TDRD3: variants seen among roughly 807,000 people sequenced by gnomAD.
The protein encoded by TDRD3 is tudor domain containing 3, also known as tudor domain-containing protein 3.
A neutral mutation model predicts 86.7 loss-of-function variants in TDRD3; 45 were observed. The ratio of observed to expected loss-of-function variants is 0.52; its 90% CI spans 0.41 to 0.67. TDRD3 has a LOEUF of 0.67. Among genes scored for constraint, TDRD3 ranks in the 30% least tolerant of loss-of-function variants. The probability of loss-of-function intolerance (pLI) is 0.00; values close to 1 mark genes in which losing one functional copy is unlikely to be tolerated. For missense variants in TDRD3, 814 were observed against 889.0 expected, an observed-to-expected ratio of 0.92 and a Z score of 1.07; for synonymous variants, 298 against 301.7, an observed-to-expected ratio of 0.99 and a Z score of 0.13.
chr13:60,443,104 C>T (rs1955319260), intron 2 of TDRD3, among the ~76,000 whole-genome samples: 2 of 151,692 alleles, frequency 1.3e-5, no homozygotes, highest in African/African-American at 4.8e-5. Flanking sequence ...TATGTATGTT[C>T]AGATGATTAA....
intron 1 of TDRD3, among the ~76,000 whole-genome samples, chr13:60,426,616 G>C (rs1325593630): frequency 1.3e-5 from 2 of 152,110 alleles, no homozygotes; most frequent in Non-Finnish European, 2.9e-5. Context: ...TAGTTTTCTA[G>C]GAAAGTACAG....
chr13:60,484,670 GTTGATTTTTTTTTTTTACTGAGT>G (rs1433194841), intron 6 of TDRD3: 7 of 444,488 alleles, frequency 1.6e-5, no homozygotes, highest in Non-Finnish European at 3.1e-5. Context: ...AAAAAATAAT[GTTGATTTTTTTTTTTTACTGAGT>G]TTGGAAGAAG....
At chr13:60,570,356 A>G (rs889155876) in intron 13 of TDRD3, among the ~76,000 whole-genome samples, 3 of 152,220 alleles carry the variant, frequency 2.0e-5, no homozygotes, top group African/African-American at 7.2e-5. Flanking sequence ...AAATACAATG[A>G]GATATCACCT....
chr13:60,520,014 T>G (rs1345210623), intron 10 of TDRD3, among the ~76,000 whole-genome samples: 1 of 152,226 alleles, frequency 6.6e-6, no homozygotes, highest in African/African-American at 2.4e-5. Flanking sequence ...ACTAGTCTTA[T>G]GCTTTATGCT....
At chr13:60,509,950 T>G in intron 9 of TDRD3, 31 bp downstream of exon 9, 1 of 1,599,856 alleles carries the variant, frequency 6.3e-7, no homozygotes, top group South Asian at 1.1e-5. Context: ...TGCCAGATAG[T>G]ATTGTTTGCT....
At chr13:60,510,802 C>CTTTTTTTTTTTTTTTTTCTTT (rs370448567) in intron 10 of TDRD3, 47 bp downstream of exon 10, 1 of 1,003,820 alleles carries the variant, frequency 1.0e-6, no homozygotes, top group Non-Finnish European at 1.3e-6. Context: ...TCTTTTCTTT[C>CTTTTTTTTTTTTTTTTTCTTT]TTTTTTTTTT....
chr13:60,437,463 G>A (rs1172526466), intron 1 of TDRD3, among the ~76,000 whole-genome samples: 2 of 151,684 alleles, frequency 1.3e-5, no homozygotes, highest in African/African-American at 4.8e-5. Flanking sequence ...TGCTGAATTG[G>A]GAGTTAGGAG....
intron 12 of TDRD3, among the ~76,000 whole-genome samples, chr13:60,550,376 A>G (rs1289926175): frequency 2.0e-5 from 3 of 152,118 alleles, no homozygotes; most frequent in African/African-American, 4.8e-5. Flanking sequence ...ATTTGGTGTG[A>G]AAATATTTGT....
chr13:60,452,128 G>A (rs1357334124), intron 3 of TDRD3, among the ~76,000 whole-genome samples: 2 of 152,114 alleles, frequency 1.3e-5, no homozygotes, highest in Non-Finnish European at 2.9e-5. Context: ...TACATAAAAA[G>A]TTTTTGTGAG....
intron 1 of TDRD3, among the ~76,000 whole-genome samples, chr13:60,428,784 A>G (rs1393632112): frequency 1.3e-5 from 2 of 152,218 alleles, no homozygotes; most frequent in Non-Finnish European, 2.9e-5. Context: ...TTATTCCTGC[A>G]GTATGAGTTA....
intron 3 of TDRD3, among the ~76,000 whole-genome samples, chr13:60,458,222 G>A (rs1365492637): frequency 6.6e-6 from 1 of 152,116 alleles, no homozygotes; most frequent in Non-Finnish European, 1.5e-5. Context: ...TCCTATTCCT[G>A]CCCTGTGTTT....
At position 60,415,724 on chromosome 13, in the gene TDRD3, A is replaced by C. The variant is rs184854096; in HGVS notation, c.41+18319A>C. Among the ~76,000 whole-genome samples the C allele has an allele frequency of 3.2e-3, 485 of 152,260 alleles. 1 individual carries two copies. The highest frequency in any genetic ancestry group is 8.7e-3 in the Admixed American group (133 of 15,290). On this transcript the variant is annotated intron_variant, in intron 1 of 13. Coordinates refer to ENST00000377881, the MANE Select transcript of TDRD3 (RefSeq NM_001146070.2). ...AAGCTTTGTACAGATGCCTTGATGG[A>C]TCTTCCGGGAACTACCATGTCCAGA...
chr13:60,519,365 G>A (rs1448112030), intron 10 of TDRD3, among the ~76,000 whole-genome samples: 1 of 152,028 alleles, frequency 6.6e-6, no homozygotes, highest in Non-Finnish European at 1.5e-5. Flanking sequence ...ATTAATATTT[G>A]TATTAAAGCA....
chr13:60,467,038 G>A (rs1955956803), intron 4 of TDRD3, among the ~76,000 whole-genome samples, 200 bp from the exon 5 acceptor site: 1 of 151,928 alleles, frequency 6.6e-6, no homozygotes, highest in Admixed American at 6.6e-5. Flanking sequence ...TTGTTACATA[G>A]GTGATATGTG....
chr13:60,400,774 G>A (rs1390651195), intron 1 of TDRD3, among the ~76,000 whole-genome samples: 2 of 150,746 alleles, frequency 1.3e-5, no homozygotes, highest in African/African-American at 4.9e-5. Context: ...TGGAATTAAT[G>A]TTGCATAGCT....
Position 60,497,858 on chromosome 13 carries a change from G to A in TDRD3, c.858+3283G>A, listed in dbSNP as rs542596669. Among the ~76,000 whole-genome samples, 4 of 152,210 alleles carry A rather than the reference G, an allele frequency of 2.6e-5. No homozygotes were observed. The South Asian group carries it at 8.3e-4, about 32-fold the overall frequency. On this transcript the variant is annotated intron_variant, in intron 8 of 13. Transcript: ENST00000377881. ...ATTTATATAAACAGAAATCTGAAGA[G>A]CAGACATGGGAATGTATATTAAGGG...
Position 60,567,540 on chromosome 13 carries a change from T to C in TDRD3, c.2134T>C (p.Tyr712His). 1 of 1,614,106 alleles carries C rather than the reference T, an allele frequency of 6.2e-7. No individual in the cohort carries two copies. The highest frequency in any genetic ancestry group is 8.5e-7 in the Non-Finnish European group (1 of 1,180,016). The change falls in exon 13 of 14, where the codon TAC becomes CAC. Residue 712 changes from tyrosine to histidine, a missense_variant. Transcript: ENST00000377881. ...TTGCAAATAGGAGGAAGAAGGCACC[T>C]ACGATCAAACTCTGGAGTTCCGTAG... ...QTEAWEEEGTYDQTLEFRRGG... is the reference protein window; with the variant it reads ...QTEAWEEEGTHDQTLEFRRGG...
chr13:60,405,847 G>A (rs1170232395), intron 1 of TDRD3, among the ~76,000 whole-genome samples: 1 of 152,216 alleles, frequency 6.6e-6, no homozygotes, highest in Non-Finnish European at 1.5e-5. Flanking sequence ...ATGGAGCTGG[G>A]CAGGACTATG....
At chr13:60,436,000 C>T (rs1955088569) in intron 1 of TDRD3, among the ~76,000 whole-genome samples, 1 of 149,368 alleles carries the variant, frequency 6.7e-6, no homozygotes, top group Non-Finnish European at 1.5e-5. Flanking sequence ...TTGCATTTCC[C>T]TGTTGATTAG....
Sources: allele counts gnomAD v4.1 joint callset (sites outside exome capture counted in the v4.1 genomes callset), GRCh38; gene constraint gnomAD v4.1.1; transcripts MANE v1.5; gene names NCBI Gene and HGNC (gene_info 2026-07-23, HGNC 2026-07-21).